PLXNA4: variants seen among roughly 807,000 people sequenced by gnomAD.
PLXNA4 encodes plexin-A4.
A neutral mutation model predicts 191.8 loss-of-function variants in PLXNA4; 44 were observed. The observed-to-expected ratio is 0.23, with a 90% CI of 0.18 to 0.29. PLXNA4 has a LOEUF of 0.29. PLXNA4 is among the 10% of genes least tolerant of loss of function. The pLI, the probability that PLXNA4 is intolerant of heterozygous loss-of-function variation, is 1.00. For missense variants in PLXNA4, 1,800 were observed against 2,488.8 expected (o/e 0.72, Z 5.89); for synonymous variants, 1,082 against 1,009.5 (o/e 1.07, Z -1.36).
At chr7:132,632,568 C>G (rs889376983) in intron 2 of PLXNA4, among the ~76,000 whole-genome samples, 5 of 152,278 alleles carry the variant, frequency 3.3e-5, no homozygotes, top group African/African-American at 9.6e-5. Flanking sequence ...TAGCATCCAT[C>G]TCTACAGCTC....
chr7:132,263,527 G>C (rs918210867), intron 4 of PLXNA4, among the ~76,000 whole-genome samples: 5 of 152,324 alleles, frequency 3.3e-5, no homozygotes, highest in African/African-American at 1.2e-4. Flanking sequence ...CTGAGAGCTT[G>C]TCACACTCTA....
At chr7:132,503,503 GT>G (rs1290837224) in intron 2 of PLXNA4, among the ~76,000 whole-genome samples, 1 of 152,052 alleles carries the variant, frequency 6.6e-6, no homozygotes, top group Non-Finnish European at 1.5e-5. Context: ...GGAGTGTCAG[GT>G]CCCCCCCAGA....
intron 9 of PLXNA4, among the ~76,000 whole-genome samples, chr7:132,219,285 A>C (rs536055090): frequency 3.7e-4 from 56 of 152,318 alleles, no homozygotes; most frequent in Admixed American, 1.6e-3. Flanking sequence ...CCTGTTAGGT[A>C]AAGGTGGTCG....
chr7:132,563,630 T>G, intron 1 of PLXNA4, among the ~76,000 whole-genome samples: 1 of 123,048 alleles, frequency 8.1e-6, no homozygotes, highest in Non-Finnish European at 1.7e-5. Context: ...CTCCTTCTCT[T>G]CCTCCTTCTC....
chr7:132,253,108 G>A (rs1799311272), intron 4 of PLXNA4, among the ~76,000 whole-genome samples: 1 of 151,924 alleles, frequency 6.6e-6, no homozygotes, highest in South Asian at 2.1e-4. Flanking sequence ...TCACAGACAG[G>A]GTATTATTGA....
intron 2 of PLXNA4, among the ~76,000 whole-genome samples, chr7:132,635,798 T>C (rs1803593105): frequency 6.6e-6 from 1 of 151,904 alleles, no homozygotes; most frequent in Non-Finnish European, 1.5e-5. Flanking sequence ...CTCCGGAAGA[T>C]GTAAAATCAC....
At chr7:132,473,067 T>C (rs1180900276) in intron 3 of PLXNA4, among the ~76,000 whole-genome samples, 1 of 152,198 alleles carries the variant, frequency 6.6e-6, no homozygotes, top group East Asian at 1.9e-4. Flanking sequence ...AGGCAGAAGG[T>C]AGAGAGAGTG....
intron 2 of PLXNA4, among the ~76,000 whole-genome samples, chr7:132,633,073 C>T (rs1239161340): frequency 6.6e-6 from 1 of 152,158 alleles, no homozygotes; most frequent in Non-Finnish European, 1.5e-5. Flanking sequence ...AGGCTTTCCA[C>T]ACTCCCTTCA....
intron 3 of PLXNA4, among the ~76,000 whole-genome samples, chr7:132,344,847 G>A (rs1234480262): frequency 6.6e-6 from 1 of 152,148 alleles, no homozygotes; most frequent in African/African-American, 2.4e-5. Context: ...AAGGCTTGCA[G>A]GCATCCTGTG....
chr7:132,561,548 TC>T (rs1801072028), intron 1 of PLXNA4, among the ~76,000 whole-genome samples: 1 of 107,266 alleles, frequency 9.3e-6, no homozygotes, highest in Admixed American at 9.3e-5. Context: ...CTCCTCCTTC[TC>T]CTCCTCCTTC....
At chr7:132,216,791 C>A (rs7781263) in intron 9 of PLXNA4, among the ~76,000 whole-genome samples, 1 of 151,998 alleles carries the variant, frequency 6.6e-6, no homozygotes, top group Non-Finnish European at 1.5e-5. Flanking sequence ...ACCCAATCAC[C>A]GTACTGACCT....
intron 1 of PLXNA4, among the ~76,000 whole-genome samples, chr7:132,520,076 C>T (rs1386003364): frequency 6.6e-6 from 1 of 152,104 alleles, no homozygotes; most frequent in Non-Finnish European, 1.5e-5. Flanking sequence ...ATTACAACAC[C>T]CAGGGGTGGT....
intron 2 of PLXNA4, among the ~76,000 whole-genome samples, chr7:132,596,194 G>A (rs1229947165): frequency 6.6e-6 from 1 of 152,132 alleles, no homozygotes; most frequent in East Asian, 1.9e-4. Flanking sequence ...GTATATTCTT[G>A]ATTTGTATGA....
intron 2 of PLXNA4, among the ~76,000 whole-genome samples, chr7:132,624,053 T>G (rs554984652): frequency 6.6e-6 from 1 of 152,234 alleles, no homozygotes; most frequent in South Asian, 2.1e-4. Context: ...TTCCCTTATA[T>G]TGTCTCATTC....
intron 10 of PLXNA4, among the ~76,000 whole-genome samples, 185 bp from the exon 11 acceptor site, chr7:132,203,604 G>A (rs1797516483): frequency 6.6e-6 from 1 of 152,240 alleles, no homozygotes. Context: ...GTACAGGCAG[G>A]GAAGTGCATA....
intron 3 of PLXNA4, among the ~76,000 whole-genome samples, chr7:132,327,361 A>G (rs1467470537): frequency 2.0e-5 from 3 of 152,196 alleles, no homozygotes; most frequent in Non-Finnish European, 4.4e-5. Context: ...ATGAAAATTA[A>G]GATTAAATAT....
intron 3 of PLXNA4, among the ~76,000 whole-genome samples, chr7:132,444,773 T>G (rs1018630862): frequency 1.3e-5 from 2 of 152,168 alleles, no homozygotes; most frequent in Non-Finnish European, 2.9e-5. Context: ...CTGAGTGGTC[T>G]GCTGGTCACC....
intron 25 of PLXNA4, among the ~76,000 whole-genome samples, chr7:132,158,393 C>T (rs929546393): frequency 1.3e-5 from 2 of 152,174 alleles, no homozygotes; most frequent in Admixed American, 1.3e-4. Flanking sequence ...CTGAGGGGTC[C>T]TCCCACCACT....
chr7:132,462,891 C>A (rs529684041), intron 3 of PLXNA4, among the ~76,000 whole-genome samples: 33 of 142,202 alleles, frequency 2.3e-4, no homozygotes, highest in Non-Finnish European at 4.6e-4. Flanking sequence ...CTCTTTCCAC[C>A]CAGGCTGGAG....
Sources: gnomAD v4.1 joint callset for allele counts (sites outside exome capture counted in the v4.1 genomes callset) on GRCh38, gnomAD v4.1.1 for gene constraint, MANE v1.5 for transcripts, NCBI Gene and HGNC (gene_info 2026-07-23, HGNC 2026-07-21) for gene names.